Variants in GPC5 observed in about 807,000 individuals in gnomAD.
The protein encoded by GPC5 is glypican 5.
In GPC5, 47 loss-of-function variants were observed where a neutral mutation model predicts 53.9. The ratio of observed to expected loss-of-function variants is 0.87; its 90% CI spans 0.69 to 1.11. The LOEUF is 1.11. Ranked by LOEUF, GPC5 falls within the 50% of genes most tolerant of loss-of-function variation. GPC5 has a pLI of 0.00. For missense variants in GPC5, 748 were observed against 713.1 expected, an observed-to-expected ratio of 1.05 and a Z score of -0.56; for synonymous variants, 286 against 263.3, an observed-to-expected ratio of 1.09 and a Z score of -0.84.
chr13:92,464,251 T>C (rs973481549), intron 7 of GPC5, among the ~76,000 whole-genome samples: 1 of 152,152 alleles, frequency 6.6e-6, no homozygotes, highest in African/African-American at 2.4e-5. Context: ...TAAGACCCAC[T>C]CCACCATACA....
intron 7 of GPC5, among the ~76,000 whole-genome samples, chr13:92,342,385 G>C (rs2043374555): frequency 6.6e-6 from 1 of 152,092 alleles, no homozygotes; most frequent in Admixed American, 6.6e-5. Context: ...GAAGTTCATT[G>C]TTTAAACCCA....
At chr13:92,632,461 C>CATATATATATATATATATATAT (rs1491296731) in intron 7 of GPC5, among the ~76,000 whole-genome samples, 4 of 58,110 alleles carry the variant, frequency 6.9e-5, no homozygotes, top group African/African-American at 1.4e-4. Flanking sequence ...GAAAATATTC[C>CATATATATATATATATATATAT]ACATATATAT....
intron 6 of GPC5, among the ~76,000 whole-genome samples, chr13:92,130,905 A>G (rs917042827): frequency 2.0e-5 from 3 of 151,904 alleles, no homozygotes; most frequent in Non-Finnish European, 4.4e-5. Flanking sequence ...AAAATAAATA[A>G]TTATTCTAAA....
At chr13:91,760,596 C>T (rs2037389768) in intron 5 of GPC5, among the ~76,000 whole-genome samples, 1 of 152,038 alleles carries the variant, frequency 6.6e-6, no homozygotes, top group African/African-American at 2.4e-5. Flanking sequence ...TAAGTCTATT[C>T]TTCATTATAA....
At chr13:91,464,514 A>G (rs1358680995) in intron 2 of GPC5, among the ~76,000 whole-genome samples, 1 of 152,308 alleles carries the variant, frequency 6.6e-6, no homozygotes, top group East Asian at 1.9e-4. Context: ...TGTTATGTCC[A>G]TATCGTGGAA....
intron 7 of GPC5, among the ~76,000 whole-genome samples, chr13:92,618,518 G>A (rs921284532): frequency 6.6e-6 from 1 of 151,856 alleles, no homozygotes; most frequent in Non-Finnish European, 1.5e-5. Context: ...GATACACCAT[G>A]GGTAAGGAGA....
intron 7 of GPC5, among the ~76,000 whole-genome samples, chr13:92,212,479 T>G (rs1164705198): frequency 6.6e-6 from 1 of 152,204 alleles, no homozygotes; most frequent in African/African-American, 2.4e-5. Context: ...TCTTTGGAAC[T>G]CTTCCATTGC....
intron 6 of GPC5, among the ~76,000 whole-genome samples, chr13:91,983,093 C>T (rs1261264672): frequency 6.6e-6 from 1 of 151,744 alleles, no homozygotes; most frequent in African/African-American, 2.4e-5. Flanking sequence ...CGCCTGTAAT[C>T]CCAGCACTTT....
chr13:92,366,368 C>T (rs1019469518), intron 7 of GPC5, among the ~76,000 whole-genome samples: 2 of 151,722 alleles, frequency 1.3e-5, no homozygotes, highest in African/African-American at 4.9e-5. Flanking sequence ...AGAGATTTTC[C>T]AATTTAAAAA....
At chr13:92,826,314 T>C (rs1284018109) in intron 7 of GPC5, among the ~76,000 whole-genome samples, 1 of 152,128 alleles carries the variant, frequency 6.6e-6, no homozygotes, top group Non-Finnish European at 1.5e-5. Context: ...GAAGAACAAT[T>C]CTGCTGGCCT....
intron 6 of GPC5, among the ~76,000 whole-genome samples, chr13:92,086,254 T>C (rs1478792852): frequency 6.6e-6 from 1 of 152,210 alleles, no homozygotes; most frequent in Non-Finnish European, 1.5e-5. Flanking sequence ...CAAAGATGTC[T>C]ATTTTCCAGG....
chr13:92,298,396 C>T (rs1407788404), intron 7 of GPC5, among the ~76,000 whole-genome samples: 3 of 152,166 alleles, frequency 2.0e-5, no homozygotes, highest in Non-Finnish European at 4.4e-5. Context: ...TTCCTTCTCC[C>T]TGTGGACTTT....
At chr13:91,554,084 A>G (rs929371887) in intron 2 of GPC5, among the ~76,000 whole-genome samples, 1 of 152,012 alleles carries the variant, frequency 6.6e-6, no homozygotes, top group African/African-American at 2.4e-5. Context: ...ACCACTTTTT[A>G]TCTAGTAACT....
At chr13:91,761,569 G>A (rs2037413487) in intron 5 of GPC5, among the ~76,000 whole-genome samples, 2 of 152,044 alleles carry the variant, frequency 1.3e-5, no homozygotes, top group Non-Finnish European at 2.9e-5. Context: ...CCCTCTTTGG[G>A]TTCAATGAAT....
intron 7 of GPC5, among the ~76,000 whole-genome samples, chr13:92,334,408 A>T (rs1199196807): frequency 6.6e-6 from 1 of 152,136 alleles, no homozygotes; most frequent in African/African-American, 2.4e-5. Context: ...CCCATGACAC[A>T]TGGGGATTAA....
chr13:92,650,464 T>C (rs1181735848), intron 7 of GPC5, among the ~76,000 whole-genome samples: 1 of 152,122 alleles, frequency 6.6e-6, no homozygotes, highest in Non-Finnish European at 1.5e-5. Context: ...ATGTTACCAA[T>C]TTTAGCTCAA....
rs566891162 is a variant in GPC5, at chr13:91,768,308, CA to C, written c.1280+11890del. Among the ~76,000 whole-genome samples, 595 of 152,182 alleles carry C rather than the reference CA, an allele frequency of 3.9e-3. 6 individuals are homozygous for C. The highest frequency in any genetic ancestry group is 0.014 in the African/African-American group (568 of 41,536). On this transcript the variant is annotated intron_variant, in intron 5 of 7. Coordinates refer to ENST00000377067, the MANE Select transcript of GPC5 (RefSeq NM_004466.6). ...AATCCTTCTTTTCTGATGTATTTTT[CA>C]ACCCAAACAAAGGAAATTTGTTGGA...
At position 92,563,952 on chromosome 13, in the gene GPC5, C is replaced by T. The variant is rs117792154; in HGVS notation, c.1562-302330C>T. Among the ~76,000 whole-genome samples the T allele has an allele frequency of 8.5e-3, 1,294 of 151,368 alleles. 8 individuals are homozygous for T. The highest frequency in any genetic ancestry group is 0.031 in the Middle Eastern group (9 of 292). Reference sequence around the variant, plus strand: ...TCTTCATCATCATCCATTAATTACTCATCAACGTTTCATTATTTCCAACTA... The same window carrying T: ...TCTTCATCATCATCCATTAATTACTTATCAACGTTTCATTATTTCCAACTA... On this transcript the variant is annotated intron_variant, in intron 7 of 7. Coordinates refer to ENST00000377067, the MANE Select transcript of GPC5 (RefSeq NM_004466.6).
chr13:91,848,483 C>T (rs564260884), intron 5 of GPC5, among the ~76,000 whole-genome samples: 1 of 152,040 alleles, frequency 6.6e-6, no homozygotes, highest in Non-Finnish European at 1.5e-5. Flanking sequence ...ATGACTGGAC[C>T]TGGGAGGGGC....
Sources: gnomAD v4.1 joint callset for allele counts (sites outside exome capture counted in the v4.1 genomes callset) on GRCh38, gnomAD v4.1.1 for gene constraint, MANE v1.5 for transcripts, NCBI Gene and HGNC (gene_info 2026-07-23, HGNC 2026-07-21) for gene names.